CTCF: variants seen among roughly 807,000 people sequenced by gnomAD.
CTCF encodes transcriptional repressor CTCF.
A neutral mutation model predicts 72.3 loss-of-function variants in CTCF; 7 were observed. The observed-to-expected ratio is 0.10, with a 90% CI of 0.06 to 0.18. The LOEUF is 0.18. CTCF is among the 10% of genes least tolerant of loss of function. The pLI, the probability that CTCF is intolerant of heterozygous loss-of-function variation, is 1.00. For missense variants in CTCF, 516 were observed against 949.1 expected (o/e 0.54, Z 6.00); for synonymous variants, 374 against 315.8 (o/e 1.18, Z -1.95).
chr16:67,637,704 G>A lies in CTCF; in HGVS notation c.2016G>A (p.Gln672=), dbSNP rs779299388. Residue 672 remains glutamine, a synonymous_variant, in exon 12 of 12, where the codon CAG becomes CAA. Coordinates refer to ENST00000264010, the MANE Select transcript of CTCF (RefSeq NM_006565.4). ...PKQNQPTAII[Q]VEDQNTGAIE... is the part of the protein sequence containing the mutation. ...CTTTGCCAGCAACAGCTATCATTCA[G>A]GTTGAAGACCAGAATACAGGTGCAA... The A allele has an allele frequency of 3.6e-5, 58 of 1,612,930 alleles. No homozygotes were observed. The highest frequency in any genetic ancestry group is 4.9e-5 in the Non-Finnish European group (58 of 1,179,378).
rs1567614112 is a variant in CTCF at position 67,624,127 on chromosome 16, ATATATATG to A, written c.1358-2426_1358-2419del. The stretch of plus-strand genomic sequence containing the variant: ...TGTGTGTGTGTGTGTATGTGTGTGT[ATATATATG>A]TGTGTGTGTGTATATATGTGTGTAT... On this transcript the variant is annotated intron_variant, in intron 7 of 11. Coordinates refer to ENST00000264010, the MANE Select transcript of CTCF (RefSeq NM_006565.4). Among the ~76,000 whole-genome samples, 573 of 123,958 alleles carry A rather than the reference ATATATATG, an allele frequency of 4.6e-3. 2 individuals are homozygous for A. Among genetic ancestry groups the A allele is most frequent in the Non-Finnish European group, 7.4e-3 (450 of 61,184 alleles). 81.3% of individuals were successfully genotyped at this position (123,958 alleles called of 152,430 possible). A position where few individuals can be genotyped will look rare whatever the true frequency, so the allele number is the denominator to read the frequency against.
chr16:67,617,141 C>G (rs2052142103), intron 5 of CTCF, among the ~76,000 whole-genome samples: 2 of 152,044 alleles, frequency 1.3e-5, no homozygotes, highest in African/African-American at 4.8e-5. Flanking sequence ...GTGGGCGGAT[C>G]ACCTGAGGTC....
At position 67,636,707 on chromosome 16, in the gene CTCF, C is replaced by G; in HGVS notation, c.1855C>G (p.Leu619Val). Reference protein sequence around the residue: ...SSDSENAEPDLDDNEDEEEPA... With the variant: ...SSDSENAEPDVDDNEDEEEPA... ...ATGAAAAGAAAATGCTGAACCAGAT[C>G]TGGACGACAATGAGGATGAGGAGGA... is the stretch of plus-strand genomic sequence containing the variant. Residue 619 changes from leucine (L) to valine (V), a missense_variant, in exon 11 of 12, where the codon CTG (leucine) becomes GTG (valine). Leu to Val is a conservative substitution (Grantham distance 32). Transcript: ENST00000264010. The G allele has an allele frequency of 5.6e-6, 9 of 1,606,200 alleles. No homozygotes were observed. Among genetic ancestry groups the G allele is most frequent in the Non-Finnish European group, 6.8e-6 (8 of 1,176,022 alleles).
At chr16:67,604,780 T>G (rs913412457) in intron 2 of CTCF, among the ~76,000 whole-genome samples, 16 of 150,112 alleles carry the variant, frequency 1.1e-4, no homozygotes, top group Non-Finnish European at 2.1e-4. Flanking sequence ...TTAATATGAA[T>G]TTTTTTTACT....
intron 2 of CTCF, among the ~76,000 whole-genome samples, chr16:67,593,569 A>G (rs1353219156): frequency 6.6e-6 from 1 of 152,058 alleles, no homozygotes; most frequent in Non-Finnish European, 1.5e-5. Flanking sequence ...ATGATGTCTG[A>G]GGGTTCGTAT....
In CTCF at chr16:67,612,075, A is replaced by G; in HGVS notation, c.906A>G (p.Ala302=). 2 of 1,614,226 alleles carry G rather than the reference A, an allele frequency of 1.2e-6. No homozygotes were observed. The highest frequency in any genetic ancestry group is 1.7e-6 in the Non-Finnish European group (2 of 1,180,040). ...ACAAGTGCCATCTCTGTGGCAGGGC[A>G]TTCAGAACAGTCACCCTCCTGAGGA... ...RPHKCHLCGR[A]FRTVTLLRNH... Residue 302 remains alanine, a synonymous_variant, in exon 4 of 12, where the codon GCA becomes GCG. Transcript: ENST00000264010.
intron 2 of CTCF, among the ~76,000 whole-genome samples, chr16:67,604,589 C>A (rs1325853282): frequency 6.6e-6 from 1 of 152,100 alleles, no homozygotes; most frequent in African/African-American, 2.4e-5. Flanking sequence ...GATCCACCTG[C>A]CTTGGCCTCC....
chr16:67,634,225 CCAGA>C (rs1474139387), intron 10 of CTCF, among the ~76,000 whole-genome samples: 1 of 151,814 alleles, frequency 6.6e-6, no homozygotes, highest in African/African-American at 2.4e-5. Context: ...TTTGTTTTTC[CCAGA>C]CAAAGTCTTA....
At chr16:67,617,268 G>A (rs2052144208) in intron 5 of CTCF, among the ~76,000 whole-genome samples, 3 of 152,156 alleles carry the variant, frequency 2.0e-5, no homozygotes, top group South Asian at 4.1e-4. Flanking sequence ...GGGAGGCTGA[G>A]GTGGGTGGAT....
At chr16:67,585,442 C>G (rs2051656913) in intron 2 of CTCF, among the ~76,000 whole-genome samples, 1 of 152,214 alleles carries the variant, frequency 6.6e-6, no homozygotes, top group South Asian at 2.1e-4. Flanking sequence ...TGATGCATTA[C>G]TAGGCTCTGA....
intron 2 of CTCF, among the ~76,000 whole-genome samples, chr16:67,580,222 A>G (rs2051560769): frequency 6.6e-6 from 1 of 152,118 alleles, no homozygotes; most frequent in South Asian, 2.1e-4. Context: ...ATTTTAAATT[A>G]ATTTAGAGAC....
At chr16:67,616,420 G>T (rs1050295246) in intron 4 of CTCF, 4 of 222,434 alleles carry the variant, frequency 1.8e-5, no homozygotes, top group Middle Eastern at 1.7e-3. Context: ...CACCAAGCCC[G>T]GTCTCTATTA....
At chr16:67,632,897 G>T (rs749728013) in intron 10 of CTCF, among the ~76,000 whole-genome samples, 2 of 152,158 alleles carry the variant, frequency 1.3e-5, no homozygotes, top group African/African-American at 2.4e-5. Flanking sequence ...GAAAGAGAGT[G>T]CATGTTAATA....
At position 67,580,772 on chromosome 16, in the gene CTCF, A is replaced by ATTTTT. The variant is rs781616750; in HGVS notation, c.-10+9527_-10+9531dup. On this transcript the variant is annotated intron_variant, in intron 2 of 11. Coordinates refer to ENST00000264010, the MANE Select transcript of CTCF (RefSeq NM_006565.4). Reference sequence around the variant, plus strand: ...GGCACCTGCCCCAACGCCTGGCCAAATTTTTTTTTTTTTTTTTTTTTTTAG... The same window carrying ATTTTT: ...GGCACCTGCCCCAACGCCTGGCCAAATTTTTTTTTTTTTTTTTTTTTTTTTTTTAG... Among the ~76,000 whole-genome samples, 146 of 120,158 alleles carry ATTTTT rather than the reference A, an allele frequency of 1.2e-3. 3 individuals are homozygous for ATTTTT. Among genetic ancestry groups the ATTTTT allele is most frequent in the African/African-American group, 4.7e-3 (136 of 28,910 alleles). The allele number at this position is 120,158 out of a possible 152,430, so 78.8% of individuals were successfully genotyped here.
intron 7 of CTCF, 84 bp downstream of exon 7, chr16:67,621,675 CT>C (rs1188223487): frequency 4.0e-6 from 4 of 1,008,446 alleles, no homozygotes; most frequent in Non-Finnish European, 5.9e-6. Flanking sequence ...ATAACTTCAC[CT>C]TCTGACTCTC....
chr16:67,607,657 G>C (rs551642471), intron 2 of CTCF, among the ~76,000 whole-genome samples: 1 of 152,076 alleles, frequency 6.6e-6, no homozygotes, highest in African/African-American at 2.4e-5. Context: ...TTTGTTTTCT[G>C]CTTTCTATTA....
At chr16:67,626,532 T>G in intron 7 of CTCF, 23 bp from the exon 8 acceptor site, 1 of 1,411,116 alleles carries the variant, frequency 7.1e-7, no homozygotes, top group Non-Finnish European at 9.3e-7. Flanking sequence ...CACATTACCC[T>G]GGGCTTTTTA....
At chr16:67,565,233 C>T (rs1198338567) in intron 1 of CTCF, among the ~76,000 whole-genome samples, 1 of 152,052 alleles carries the variant, frequency 6.6e-6, no homozygotes, top group Non-Finnish European at 1.5e-5. Context: ...AACTCCTGAC[C>T]TCAGGTGATC....
chr16:67,629,745 CCT>C (rs1567616734), intron 10 of CTCF, among the ~76,000 whole-genome samples: 1 of 85,030 alleles, frequency 1.2e-5, no homozygotes, highest in Non-Finnish European at 2.3e-5. Flanking sequence ...TCATTAATGC[CCT>C]TTTTTTTTTT....
Sources: allele counts gnomAD v4.1 joint callset (sites outside exome capture counted in the v4.1 genomes callset), GRCh38; gene constraint gnomAD v4.1.1; transcripts MANE v1.5; gene names NCBI Gene and HGNC (gene_info 2026-07-23, HGNC 2026-07-21).